NT5DC1: variants seen among roughly 807,000 people sequenced by gnomAD.
NT5DC1 encodes the protein 5'-nucleotidase domain-containing protein 1.
In NT5DC1, 42 loss-of-function variants were observed where a neutral mutation model predicts 59.4. The observed-to-expected ratio is 0.71, with a 90% confidence interval of 0.55 to 0.92. The LOEUF (loss-of-function observed/expected upper bound fraction) is 0.92. NT5DC1 is among the 40% of genes least tolerant of loss of function. NT5DC1 has a pLI of 0.00. For missense variants in NT5DC1, 501 were observed against 537.1 expected, an observed-to-expected ratio of 0.93 and a Z score of 0.66; for synonymous variants, 172 against 188.1, an observed-to-expected ratio of 0.91 and a Z score of 0.70.
chr6:116,148,380 A>G (rs1020329709), intron 6 of NT5DC1, among the ~76,000 whole-genome samples: 22 of 152,222 alleles, frequency 1.4e-4, no homozygotes, highest in Non-Finnish European at 2.1e-4. Context: ...TTTCATTGCA[A>G]TTTACCATAC....
At chr6:116,145,444 G>C (rs1232938663) in intron 6 of NT5DC1, 3 of 383,658 alleles carry the variant, frequency 7.8e-6, no homozygotes, top group Non-Finnish European at 1.8e-5. Flanking sequence ...TTAGTAAGAA[G>C]ATTGGCCACA....
intron 6 of NT5DC1, among the ~76,000 whole-genome samples, chr6:116,187,734 T>C (rs1401775070): frequency 6.6e-6 from 1 of 151,942 alleles, no homozygotes; most frequent in Non-Finnish European, 1.5e-5. Flanking sequence ...GAAACAAATA[T>C]GAAAGGCAAA....
At chr6:116,191,177 C>G (rs535930962) in intron 6 of NT5DC1, among the ~76,000 whole-genome samples, 1 of 152,006 alleles carries the variant, frequency 6.6e-6, no homozygotes, top group African/African-American at 2.4e-5. Flanking sequence ...CTCTGGAAGT[C>G]GATATCCTAA....
chr6:116,207,418 T>C (rs1041146412), intron 6 of NT5DC1, among the ~76,000 whole-genome samples: 1 of 151,960 alleles, frequency 6.6e-6, no homozygotes. Flanking sequence ...TAGATACATA[T>C]GTCCATATTA....
At chr6:116,212,073 G>A (rs1028197400) in intron 6 of NT5DC1, among the ~76,000 whole-genome samples, 4 of 151,982 alleles carry the variant, frequency 2.6e-5, no homozygotes, top group African/African-American at 9.7e-5. Flanking sequence ...TTATATCAAA[G>A]AAATTATTTC....
chr6:116,137,803 C>T (rs368925696), intron 6 of NT5DC1, among the ~76,000 whole-genome samples: 3 of 152,104 alleles, frequency 2.0e-5, no homozygotes, highest in East Asian at 3.9e-4. Context: ...CCAGCTTGGC[C>T]GGACGCACTG....
At chr6:116,230,107 C>T (rs1379567278) in intron 8 of NT5DC1, among the ~76,000 whole-genome samples, 1 of 152,108 alleles carries the variant, frequency 6.6e-6, no homozygotes, top group Non-Finnish European at 1.5e-5. Context: ...GCTTAATATA[C>T]CTGGGAAATC....
intron 6 of NT5DC1, among the ~76,000 whole-genome samples, chr6:116,204,871 T>G (rs930725113): frequency 2.0e-5 from 3 of 152,014 alleles, no homozygotes; most frequent in African/African-American, 7.2e-5. Flanking sequence ...ATTACATGGC[T>G]AGATTTAAGT....
intron 6 of NT5DC1, among the ~76,000 whole-genome samples, chr6:116,130,142 T>C (rs996756470): frequency 2.6e-4 from 39 of 152,162 alleles, no homozygotes; most frequent in African/African-American, 9.4e-4. Context: ...GGATATTCTC[T>C]ATAAAGAAAA....
chr6:116,117,773 T>G, intron 5 of NT5DC1, 88 bp from the exon 6 acceptor site: 1 of 708,860 alleles, frequency 1.4e-6, no homozygotes, highest in South Asian at 1.7e-5. Flanking sequence ...AGTCAGGGAC[T>G]GTCTGCATTG....
At chr6:116,122,519 A>G (rs994528349) in intron 6 of NT5DC1, among the ~76,000 whole-genome samples, 2 of 152,240 alleles carry the variant, frequency 1.3e-5, no homozygotes, top group African/African-American at 2.4e-5. Context: ...AATTGAAACA[A>G]AGAACTAGAG....
intron 6 of NT5DC1, among the ~76,000 whole-genome samples, chr6:116,183,096 T>G (rs1316612841): frequency 1.3e-5 from 2 of 152,076 alleles, no homozygotes; most frequent in Non-Finnish European, 2.9e-5. Context: ...ACATGTGGCT[T>G]GTCAGTTGTC....
chr6:116,143,540 A>C (rs887522107), intron 6 of NT5DC1, among the ~76,000 whole-genome samples: 4 of 152,096 alleles, frequency 2.6e-5, no homozygotes, highest in Non-Finnish European at 1.5e-5. Flanking sequence ...GTTTTTGTTC[A>C]GGTTGAATTT....
At chr6:116,170,166 G>A (rs889262219) in intron 6 of NT5DC1, among the ~76,000 whole-genome samples, 1 of 152,138 alleles carries the variant, frequency 6.6e-6, no homozygotes, top group African/African-American at 2.4e-5. Flanking sequence ...TAAACATTCT[G>A]TCGGTTTTGC....
intron 8 of NT5DC1, among the ~76,000 whole-genome samples, chr6:116,235,305 G>C (rs982548269): frequency 6.6e-5 from 10 of 152,016 alleles, no homozygotes; most frequent in African/African-American, 1.2e-4. Context: ...ACTTTTTACT[G>C]TGTTTCTCCA....
At chr6:116,205,587 T>C (rs1490181860) in intron 6 of NT5DC1, among the ~76,000 whole-genome samples, 3 of 149,970 alleles carry the variant, frequency 2.0e-5, no homozygotes, top group African/African-American at 7.5e-5. Context: ...TCCTTAAATA[T>C]GTGGAATAAA....
chr6:116,104,731 C>T (rs1778735682), intron 1 of NT5DC1, among the ~76,000 whole-genome samples: 2 of 152,204 alleles, frequency 1.3e-5, no homozygotes, highest in Admixed American at 6.5e-5. Flanking sequence ...AAGCATTTTA[C>T]ATCTGTTAGC....
Position 116,246,114 on chromosome 6 carries a change from A to G in NT5DC1, c.*2090A>G, listed in dbSNP as rs1187902505. On this transcript the variant is annotated 3_prime_UTR_variant, in exon 12 of 12. Coordinates refer to ENST00000319550, the MANE Select transcript of NT5DC1 (RefSeq NM_152729.3). ...AAAATAATCCAAATCCATAAAAATTAAAAAGAAAATATTAAAGAAGTTATA... is the reference window on the plus strand; with the variant it reads ...AAAATAATCCAAATCCATAAAAATTGAAAAGAAAATATTAAAGAAGTTATA... 6.6e-6 allele frequency: 1 copy of G among 152,170 alleles called. No individual in the cohort carries two copies. Among genetic ancestry groups the G allele is most frequent in the African/African-American group, 2.4e-5 (1 of 41,460 alleles). The allele number at this position is 152,170 out of a possible 1,614,324, so 9.4% of individuals were successfully genotyped here. A position where few individuals can be genotyped will look rare whatever the true frequency, so the allele number is the denominator to read the frequency against.
At chr6:116,120,734 C>T (rs780295210) in intron 6 of NT5DC1, 1 of 1,590,184 alleles carries the variant, frequency 6.3e-7, no homozygotes, top group East Asian at 2.2e-5. Flanking sequence ...CCCAGGGAAT[C>T]CTGGAATGCC....
Sources: allele counts gnomAD v4.1 joint callset (sites outside exome capture counted in the v4.1 genomes callset), GRCh38; gene constraint gnomAD v4.1.1; transcripts MANE v1.5; gene names NCBI Gene and HGNC (gene_info 2026-07-23, HGNC 2026-07-21).